Variants in FHOD3 observed in about 807,000 individuals in gnomAD.
FHOD3 encodes FH1/FH2 domain-containing protein 3.
In FHOD3, 90 loss-of-function variants were observed where a neutral mutation model predicts 173.0. The observed-to-expected ratio is 0.52, with a 90% CI of 0.44 to 0.62. The LOEUF (loss-of-function observed/expected upper bound fraction) is 0.62, where lower values mean the gene tolerates loss of function less well. Among genes scored for constraint, FHOD3 ranks in the 20% least tolerant of loss-of-function variants. The pLI is 0.00. For synonymous variants in FHOD3, 828 were observed against 823.0 expected (o/e 1.01, Z -0.10); for missense variants, 1,945 against 2,034.7 (o/e 0.96, Z 0.85).
Position 36,409,367 on chromosome 18 carries a change from G to A in FHOD3, c.337+36623G>A, listed in dbSNP as rs540147951. ...AAGCTCTTCATCCATGCTGTTGGCT[G>A]TCATGTCTGATCACCCTTCCTCACC... On this transcript the variant is annotated intron_variant, in intron 3 of 28. Coordinates refer to ENST00000590592, the MANE Select transcript of FHOD3 (RefSeq NM_001281740.3). Among the ~76,000 whole-genome samples, 80 of 152,270 alleles carry A rather than the reference G, an allele frequency of 5.3e-4. 1 individual carries two copies. The highest frequency in any genetic ancestry group is 1.8e-3 in the African/African-American group (76 of 41,564).
rs530908049 is a variant in FHOD3 at position 36,334,114 on chromosome 18, A to G, written c.166-21425A>G. On this transcript the variant is annotated intron_variant, in intron 1 of 28. Coordinates refer to ENST00000590592, the MANE Select transcript of FHOD3 (RefSeq NM_001281740.3). Reference sequence around the variant, plus strand: ...ACATCAGCAGCACTGGGCTCTTGTTAGAAACATAAAATCCTGGCCCTGCCC... The same window carrying G: ...ACATCAGCAGCACTGGGCTCTTGTTGGAAACATAAAATCCTGGCCCTGCCC... Among the ~76,000 whole-genome samples, 16 of 152,354 alleles carry G rather than the reference A, an allele frequency of 1.1e-4. No individual in the cohort carries two copies. In the East Asian group the frequency reaches 2.9e-3, roughly 28 times the overall value.
chr18:36,647,704 C>A (rs929890099), intron 10 of FHOD3, among the ~76,000 whole-genome samples: 2 of 152,114 alleles, frequency 1.3e-5, no homozygotes, highest in Non-Finnish European at 2.9e-5. Context: ...CAAGGGTCAT[C>A]AGAAGTAGAA....
intron 1 of FHOD3, among the ~76,000 whole-genome samples, chr18:36,302,510 C>T (rs571622437): frequency 3.9e-5 from 6 of 152,342 alleles, no homozygotes; most frequent in African/African-American, 1.2e-4. Context: ...GCTCTCAGTA[C>T]ATGGGGGTTC....
intron 5 of FHOD3, 142 bp from the exon 6 acceptor site, chr18:36,576,309 C>A: frequency 2.0e-6 from 1 of 507,448 alleles, no homozygotes; most frequent in Non-Finnish European, 3.3e-6. Context: ...TAGTTAATTT[C>A]AGAGCTCAGG....
At chr18:36,343,406 C>T (rs1044100338) in intron 1 of FHOD3, among the ~76,000 whole-genome samples, 4 of 152,182 alleles carry the variant, frequency 2.6e-5, no homozygotes, top group African/African-American at 9.7e-5. Context: ...AAACCAGTCA[C>T]AAAAGACCAC....
chr18:36,376,563 C>T (rs1042033886), intron 3 of FHOD3, among the ~76,000 whole-genome samples: 15 of 152,234 alleles, frequency 9.9e-5, no homozygotes, highest in African/African-American at 3.4e-4. Flanking sequence ...AGAGATGAGT[C>T]AGGCAGAGGC....
rs554583089 is a variant in FHOD3 at position 36,481,183 on chromosome 18, G to T, written c.338-20749G>T. Among the ~76,000 whole-genome samples the T allele has an allele frequency of 2.6e-5, 4 of 152,144 alleles. No homozygotes were observed. In the South Asian group the frequency reaches 6.2e-4, roughly 24 times the overall value. ...CAGGACTGAAGGAAGGAGGGGAGCG[G>T]TGGAGTCATTGTTGCTTTCTGTGTT... On this transcript the variant is annotated intron_variant, in intron 3 of 28. Coordinates refer to ENST00000590592, the MANE Select transcript of FHOD3 (RefSeq NM_001281740.3).
intron 5 of FHOD3, among the ~76,000 whole-genome samples, chr18:36,555,451 T>C (rs2057839520): frequency 6.6e-6 from 1 of 152,082 alleles, no homozygotes; most frequent in Admixed American, 6.6e-5. Flanking sequence ...AGAGTGTTTT[T>C]GTGGGTCAGA....
intron 1 of FHOD3, 42 bp downstream of exon 1, chr18:36,298,042 C>T: frequency 7.0e-7 from 1 of 1,423,918 alleles, no homozygotes; most frequent in Non-Finnish European, 9.2e-7. Context: ...GGACTCAGCC[C>T]CCTGCCGCGG....
chr18:36,310,784 TG>T lies in FHOD3; in HGVS notation c.165+12788del, dbSNP rs1340498524. Among the ~76,000 whole-genome samples, 9 of 137,202 alleles carry T rather than the reference TG, an allele frequency of 6.6e-5. No individual in the cohort carries two copies. In the South Asian group the frequency reaches 1.6e-3, roughly 25 times the overall value. 90.0% of individuals were successfully genotyped at this position (137,202 alleles called of 152,430 possible). A position where few individuals can be genotyped will look rare whatever the true frequency, so the allele number is the denominator to read the frequency against. Reference sequence around the variant, plus strand: ...TGGAAAGCCTCGTGGAGAAGGAGGGTGGGGTTTCAGTTGGTGAAAGGGAGGT... The same window carrying T: ...TGGAAAGCCTCGTGGAGAAGGAGGGTGGGTTTCAGTTGGTGAAAGGGAGGT... On this transcript the variant is annotated intron_variant, in intron 1 of 28. Coordinates refer to ENST00000590592, the MANE Select transcript of FHOD3 (RefSeq NM_001281740.3).
At chr18:36,678,524 C>CAAAAAAAAAAAAAAAAAAAAAAAACAA (rs58064190) in intron 14 of FHOD3, among the ~76,000 whole-genome samples, 1 of 71,156 alleles carries the variant, frequency 1.4e-5, no homozygotes, top group Non-Finnish European at 2.6e-5. Flanking sequence ...GACCCTGTCT[C>CAAAAAAAAAAAAAAAAAAAAAAAACAA]AAAAAAAAAA....
At chr18:36,310,711 A>T (rs111244637) in intron 1 of FHOD3, among the ~76,000 whole-genome samples, 42 of 152,062 alleles carry the variant, frequency 2.8e-4, no homozygotes, top group African/African-American at 7.5e-4. Context: ...AGAAAAGAAA[A>T]AAAAAAGAAA....
chr18:36,733,330 G>A (rs600729), intron 20 of FHOD3, among the ~76,000 whole-genome samples: 1 of 152,176 alleles, frequency 6.6e-6, no homozygotes, highest in Admixed American at 6.5e-5. Context: ...TCCTCTAGGG[G>A]AGATAAGGCA....
chr18:36,371,601 A>C (rs1598873688), intron 2 of FHOD3, among the ~76,000 whole-genome samples: 1 of 152,386 alleles, frequency 6.6e-6, no homozygotes, highest in South Asian at 2.1e-4. Context: ...TATCAGAATC[A>C]ACAAACCATT....
chr18:36,664,117 C>T (rs116727477), intron 14 of FHOD3, among the ~76,000 whole-genome samples: 2,413 of 152,222 alleles, frequency 0.016, 65 homozygotes, highest in African/African-American at 0.055. Flanking sequence ...TTGAGAGCCA[C>T]ATTGTGCAAT....
chr18:36,499,132 C>T (rs1048970572), intron 3 of FHOD3, among the ~76,000 whole-genome samples: 6 of 151,814 alleles, frequency 4.0e-5, no homozygotes, highest in Non-Finnish European at 8.8e-5. Flanking sequence ...GAGACAGGTT[C>T]TTGCCCTATC....
chr18:36,333,171 G>A (rs967628400), intron 1 of FHOD3, among the ~76,000 whole-genome samples: 10 of 152,162 alleles, frequency 6.6e-5, no homozygotes, highest in African/African-American at 1.9e-4. Context: ...ACCATAATCG[G>A]CAAAGAAACT....
At chr18:36,487,456 G>T (rs12964375) in intron 3 of FHOD3, among the ~76,000 whole-genome samples, 20,135 of 152,178 alleles carry the variant, frequency 0.13, 1,515 homozygotes, top group East Asian at 0.32. Flanking sequence ...GTTGCTGGTT[G>T]TCCTCCCACT....
At chr18:36,639,163 T>G (rs2848918) in intron 10 of FHOD3, among the ~76,000 whole-genome samples, 42,763 of 152,118 alleles carry the variant, frequency 0.28, 6,321 homozygotes, top group South Asian at 0.43. Flanking sequence ...TCCTGCTGTT[T>G]CCACAGTTCT....
Sources: allele counts gnomAD v4.1 joint callset (sites outside exome capture counted in the v4.1 genomes callset), GRCh38; gene constraint gnomAD v4.1.1; transcripts MANE v1.5; gene names NCBI Gene and HGNC (gene_info 2026-07-23, HGNC 2026-07-21).